EYS: variants seen among roughly 807,000 people sequenced by gnomAD.
EYS encodes the protein EGF-like photoreceptor maintenance factor.
Under a neutral mutation model 282.1 loss-of-function variants are expected in EYS, and 250 were observed. The observed-to-expected ratio is 0.89, with a 90% CI of 0.80 to 0.98. The LOEUF is 0.98. Ranked by LOEUF, EYS falls within the 50% of genes least tolerant of loss-of-function variation. EYS has a pLI of 0.00. For missense variants in EYS, 4,016 were observed against 3,709.0 expected, an observed-to-expected ratio of 1.08 and a Z score of -2.15; for synonymous variants, 1,355 against 1,282.9, an observed-to-expected ratio of 1.06 and a Z score of -1.20.
intron 34 of EYS, among the ~76,000 whole-genome samples, chr6:63,992,499 AGTG>A (rs1448689070): frequency 6.6e-6 from 1 of 151,752 alleles, no homozygotes; most frequent in Non-Finnish European, 1.5e-5. Context: ...AATAACATAA[AGTG>A]TGTGTGTGGG....
chr6:65,244,668 C>A (rs549011), intron 12 of EYS, among the ~76,000 whole-genome samples: 3,509 of 144,018 alleles, frequency 0.024, 123 homozygotes, highest in African/African-American at 0.087. Flanking sequence ...GCCCGCCAGC[C>A]CTCCCGGGTA....
intron 24 of EYS, among the ~76,000 whole-genome samples, chr6:64,613,848 T>C (rs1025589708): frequency 1.2e-4 from 19 of 152,110 alleles, no homozygotes; most frequent in African/African-American, 2.4e-5. Flanking sequence ...GAGGAGAGAA[T>C]AGCCATTTTG....
chr6:64,237,766 T>G (rs1486243547), intron 30 of EYS, among the ~76,000 whole-genome samples: 1 of 152,168 alleles, frequency 6.6e-6, no homozygotes, highest in Non-Finnish European at 1.5e-5. Flanking sequence ...TTGAAAATAA[T>G]TAATCATTGC....
intron 5 of EYS, among the ~76,000 whole-genome samples, chr6:65,428,612 C>CA (rs1472484719): frequency 6.6e-6 from 1 of 151,954 alleles, no homozygotes; most frequent in Non-Finnish European, 1.5e-5. Flanking sequence ...CATTAACAGA[C>CA]AAGATAATGG....
At chr6:65,012,130 A>G (rs764461316) in intron 13 of EYS, among the ~76,000 whole-genome samples, 2 of 152,230 alleles carry the variant, frequency 1.3e-5, no homozygotes, top group Non-Finnish European at 2.9e-5. Flanking sequence ...TAATCTTAAT[A>G]GAAATACTTC....
intron 12 of EYS, among the ~76,000 whole-genome samples, chr6:65,127,195 G>T (rs558873368): frequency 7.9e-5 from 12 of 152,072 alleles, no homozygotes; most frequent in African/African-American, 2.9e-4. Context: ...CCTTCAGTTA[G>T]AAGAAAAATA....
In EYS at chr6:65,445,278, T is replaced by C. The variant is rs560263785; in HGVS notation, c.863-39911A>G. Among the ~76,000 whole-genome samples, 115 of 152,012 alleles carry C rather than the reference T, an allele frequency of 7.6e-4. 1 individual carries two copies. Among genetic ancestry groups the C allele is most frequent in the Non-Finnish European group, 1.0e-3 (68 of 67,860 alleles). ...AAAATGATCACTTTTATTAATCCTG[T>C]GTACTGATCACATAAAAATAGCTAA... On this transcript the variant is annotated intron_variant, in intron 5 of 42. Transcript: ENST00000503581.
intron 2 of EYS, among the ~76,000 whole-genome samples, chr6:65,562,102 C>A (rs1196612886): frequency 6.6e-6 from 1 of 151,660 alleles, no homozygotes; most frequent in Non-Finnish European, 1.5e-5. Context: ...ATATAGCATG[C>A]ATGTTTAGTA....
intron 22 of EYS, among the ~76,000 whole-genome samples, chr6:64,731,247 A>G (rs1771953512): frequency 6.6e-6 from 1 of 152,296 alleles, no homozygotes; most frequent in African/African-American, 2.4e-5. Flanking sequence ...AAACACCAAA[A>G]GCAATTGCAA....
chr6:64,044,474 G>A (rs542450610), intron 33 of EYS, among the ~76,000 whole-genome samples: 4 of 152,306 alleles, frequency 2.6e-5, no homozygotes, highest in Non-Finnish European at 4.4e-5. Flanking sequence ...CAGGTGGAAC[G>A]TAAGTTCACT....
At chr6:64,980,182 C>T (rs1236198642) in intron 14 of EYS, among the ~76,000 whole-genome samples, 2 of 151,474 alleles carry the variant, frequency 1.3e-5, no homozygotes, top group Non-Finnish European at 3.0e-5. Context: ...AAAAAAATGG[C>T]AATGCAAATT....
intron 12 of EYS, among the ~76,000 whole-genome samples, chr6:65,273,563 A>G (rs1025879959): frequency 2.6e-5 from 4 of 152,122 alleles, no homozygotes; most frequent in Admixed American, 1.3e-4. Context: ...CCCAATCCAG[A>G]GCAAGTTTGA....
intron 2 of EYS, among the ~76,000 whole-genome samples, chr6:65,634,564 T>C (rs1261719354): frequency 6.6e-6 from 1 of 152,220 alleles, no homozygotes; most frequent in Non-Finnish European, 1.5e-5. Flanking sequence ...TCTATTCAGC[T>C]AGCTACTCGG....
intron 14 of EYS, among the ~76,000 whole-genome samples, chr6:64,961,139 A>G (rs909007212): frequency 1.3e-5 from 2 of 152,136 alleles, no homozygotes; most frequent in African/African-American, 4.8e-5. Context: ...TTTATAATAG[A>G]ACAATTGATA....
At chr6:64,690,745 C>T (rs542542206) in intron 22 of EYS, among the ~76,000 whole-genome samples, 18 of 151,994 alleles carry the variant, frequency 1.2e-4, no homozygotes, top group South Asian at 2.1e-4. Context: ...AACCAAACAC[C>T]GCATGTTCAC....
chr6:64,749,791 CACTGTGCCATTGT>C (rs1261158306), intron 22 of EYS, among the ~76,000 whole-genome samples: 1 of 152,106 alleles, frequency 6.6e-6, no homozygotes, highest in Non-Finnish European at 1.5e-5. Flanking sequence ...CAGTCACAAT[CACTGTGCCATTGT>C]GTCTTTTTTT....
chr6:65,305,380 C>T (rs1365239244), intron 11 of EYS, among the ~76,000 whole-genome samples: 1 of 152,182 alleles, frequency 6.6e-6, no homozygotes, highest in African/African-American at 2.4e-5. Context: ...ACAGCTGCTA[C>T]CATTAAGGAC....
At chr6:64,898,703 A>G (rs1767554035) in intron 18 of EYS, among the ~76,000 whole-genome samples, 1 of 150,604 alleles carries the variant, frequency 6.6e-6, no homozygotes, top group Non-Finnish European at 1.5e-5. Flanking sequence ...TGTATTCAGG[A>G]GATGCATCTC....
chr6:65,262,970 G>C (rs971255094), intron 12 of EYS, among the ~76,000 whole-genome samples: 5 of 152,112 alleles, frequency 3.3e-5, no homozygotes, highest in Admixed American at 6.6e-5. Flanking sequence ...CTGTTATGAA[G>C]TAGAAATGGT....
Sources: allele counts gnomAD v4.1 joint callset (sites outside exome capture counted in the v4.1 genomes callset), GRCh38; gene constraint gnomAD v4.1.1; transcripts MANE v1.5; gene names NCBI Gene and HGNC (gene_info 2026-07-23, HGNC 2026-07-21).